Variants in C6 observed in about 807,000 individuals in gnomAD.
C6 encodes the protein complement C6, also known as complement component C6.
C6 carries 101 observed loss-of-function variants against 112.9 expected under a neutral mutation model. The ratio of observed to expected loss-of-function variants is 0.89; its 90% confidence interval spans 0.76 to 1.06. C6 has a LOEUF of 1.06. C6 is among the 50% of genes least tolerant of loss of function. The probability of loss-of-function intolerance (pLI) is 0.00; values close to 1 mark genes in which losing one functional copy is unlikely to be tolerated. For missense variants in C6, 1,202 were observed against 1,104.6 expected, an observed-to-expected ratio of 1.09 and a Z score of -1.25; for synonymous variants, 431 against 384.1, an observed-to-expected ratio of 1.12 and a Z score of -1.43.
At chr5:41,196,007 A>T in intron 4 of C6, 74 bp from the exon 5 acceptor site, 1 of 1,543,662 alleles carries the variant, frequency 6.5e-7, no homozygotes, top group Non-Finnish European at 8.9e-7. Flanking sequence ...TTGAAACTCA[A>T]ATGCTTTAAA....
intron 4 of C6, among the ~76,000 whole-genome samples, chr5:41,198,235 G>A (rs1056450957): frequency 2.0e-4 from 30 of 152,142 alleles, no homozygotes; most frequent in Non-Finnish European, 3.4e-4. Context: ...CTTTTCAGGA[G>A]AGATAGTTCT....
chr5:41,195,676 G>T (rs1750554796), intron 5 of C6, 116 bp downstream of exon 5: 8 of 1,071,812 alleles, frequency 7.5e-6, no homozygotes. Context: ...AGATAGGGCT[G>T]GTAGGAGTAG....
Position 41,150,128 on chromosome 5 carries a change from C to A in C6, c.2291-103G>T. 5.1e-6 allele frequency: 4 copies of A among 784,218 alleles called. No individual in the cohort carries two copies. In the Admixed American group the frequency reaches 5.6e-5, roughly 11 times the overall value. The allele number at this position is 784,218 out of a possible 1,614,324, so 48.6% of individuals were successfully genotyped here. A position where few individuals can be genotyped will look rare whatever the true frequency, so the allele number is the denominator to read the frequency against. On this transcript the variant is annotated intron_variant, in intron 15 of 17. Transcript: ENST00000337836. ...GCAGTGGTAAAGGATTCATATTTAT[C>A]TCTTGGAGTTAGATCATTCATTTTG... is the stretch of plus-strand genomic sequence containing the variant.
intron 2 of C6, among the ~76,000 whole-genome samples, chr5:41,202,195 G>A (rs555857803): frequency 1.3e-5 from 2 of 152,246 alleles, no homozygotes; most frequent in East Asian, 1.9e-4. Context: ...AATAATTCAC[G>A]TGAATTCTCC....
chr5:41,224,295 T>C lies in C6; in HGVS notation c.-20-21045A>G, dbSNP rs1380471230. Among the ~76,000 whole-genome samples the C allele has an allele frequency of 8.5e-5, 13 of 152,302 alleles. No individual in the cohort carries two copies. In the South Asian group the frequency reaches 2.3e-3, roughly 27 times the overall value. ...CACCCATTTAATGTGTACAATTTAA[T>C]AGTCTTCAATATATTCACAGAGATG... is the stretch of plus-strand genomic sequence containing the variant. On this transcript the variant is annotated intron_variant, in intron 1 of 17. Coordinates refer to the C6 transcript ENST00000263413.
chr5:41,144,746 C>T (rs967075977), intron 17 of C6, among the ~76,000 whole-genome samples: 1 of 152,108 alleles, frequency 6.6e-6, no homozygotes, highest in Admixed American at 6.6e-5. Context: ...TCCCACTATC[C>T]ACCCTCAAGT....
Position 41,228,437 on chromosome 5 carries a change from G to T in C6, c.-20-25187C>A, listed in dbSNP as rs150198419. Among the ~76,000 whole-genome samples the T allele has an allele frequency of 6.2e-4, 95 of 152,124 alleles. No homozygotes were observed. The East Asian group carries it at 0.017, about 27-fold the overall frequency. ...ACAGTTTACCTTCCTTTCCCATTTG[G>T]ATATCTTATTTCTTTCTCTTGCTTA... On this transcript the variant is annotated intron_variant, in intron 1 of 17. Coordinates refer to the C6 transcript ENST00000263413.
intron 1 of C6, among the ~76,000 whole-genome samples, chr5:41,225,798 C>T (rs1484927873): frequency 1.3e-5 from 2 of 152,154 alleles, no homozygotes. Flanking sequence ...AATAATGCCA[C>T]ATATCTACAA....
At chr5:41,178,771 C>T (rs1415377331) in intron 7 of C6, among the ~76,000 whole-genome samples, 1 of 150,986 alleles carries the variant, frequency 6.6e-6, no homozygotes, top group Non-Finnish European at 1.5e-5. Flanking sequence ...CCACCGCGCC[C>T]AGCCTCATTT....
upstream of C6, among the ~76,000 whole-genome samples, chr5:41,217,255 T>C (rs1752227792): frequency 6.6e-6 from 1 of 152,132 alleles, no homozygotes; most frequent in Admixed American, 6.6e-5. Context: ...TTACCTTTCA[T>C]ATGGAACTCA....
At chr5:41,193,957 G>A (rs1049262643) in intron 5 of C6, among the ~76,000 whole-genome samples, 2 of 152,038 alleles carry the variant, frequency 1.3e-5, no homozygotes, top group Non-Finnish European at 1.5e-5. Context: ...GAGCCGGCAG[G>A]CTTTGCTCAT....
rs778921908 is a variant in C6 at position 41,142,983 on chromosome 5, G to A, written c.2647C>T (p.Leu883=). The change falls in exon 18 of 18, where the codon CTA becomes TTA. Residue 883 remains leucine, a synonymous_variant. Coordinates refer to ENST00000337836, the MANE Select transcript of C6 (RefSeq NM_000065.5). ...CSASTSKCVC[L]LPPQCFKGGN... is the part of the protein sequence containing the mutation. ...CCCTTGAAGCACTGTGGGGGCAATAGGCAGACACATTTGGAAGTGGAGGCT... is the reference window on the plus strand; with the variant it reads ...CCCTTGAAGCACTGTGGGGGCAATAAGCAGACACATTTGGAAGTGGAGGCT... 25 of 1,613,388 alleles carry A rather than the reference G, an allele frequency of 1.5e-5. No individual in the cohort carries two copies. Among genetic ancestry groups the A allele is most frequent in the Non-Finnish European group, 2.1e-5 (25 of 1,179,602 alleles).
At chr5:41,221,303 A>G (rs75200703) in intron 1 of C6, among the ~76,000 whole-genome samples, 118 of 152,278 alleles carry the variant, frequency 7.7e-4, no homozygotes, top group Admixed American at 6.0e-3. Flanking sequence ...TACATTCTCA[A>G]CAGGGATGAT....
chr5:41,169,213 A>G (rs1319216669), intron 9 of C6, among the ~76,000 whole-genome samples: 3 of 152,118 alleles, frequency 2.0e-5, no homozygotes, highest in Non-Finnish European at 4.4e-5. Flanking sequence ...GAAACATGCT[A>G]ACAAAGGTCT....
chr5:41,203,177 C>G lies in C6; in HGVS notation c.54G>C (p.Lys18Asn). The change falls in exon 2 of 18, where the codon AAG (lysine) becomes AAC (asparagine). Residue 18 changes from lysine to asparagine, a missense_variant. Coordinates refer to ENST00000337836, the MANE Select transcript of C6 (RefSeq NM_000065.5). ...YFILLNALIN[K>N]GQACFCDHYA... ...AGTGATCACAGAAGCAGGCTTGGCC[C>G]TTGTTGATCAGAGCATTCAGCAGGA... The G allele has an allele frequency of 3.1e-6, 5 of 1,614,032 alleles. No individual in the cohort carries two copies. The highest frequency in any genetic ancestry group is 4.2e-6 in the Non-Finnish European group (5 of 1,179,964).
chr5:41,154,609 A>G (rs1470960813), intron 14 of C6, among the ~76,000 whole-genome samples: 1 of 152,214 alleles, frequency 6.6e-6, no homozygotes, highest in Non-Finnish European at 1.5e-5. Flanking sequence ...TGTTACATAA[A>G]GAGTGTAAAT....
At chr5:41,148,765 T>C (rs1746089959) in intron 17 of C6, among the ~76,000 whole-genome samples, 1 of 152,194 alleles carries the variant, frequency 6.6e-6, no homozygotes. Context: ...GCCTGAATAG[T>C]ATTGTCAGCC....
At chr5:41,183,677 A>G (rs55721014) in intron 6 of C6, among the ~76,000 whole-genome samples, 3,286 of 152,300 alleles carry the variant, frequency 0.022, 125 homozygotes, top group African/African-American at 0.074. Flanking sequence ...AGACACATGC[A>G]CTTGCATGTT....
At chr5:41,149,609 G>A (rs778248719) in intron 16 of C6, 127 bp from the exon 17 acceptor site, 299 of 1,210,330 alleles carry the variant, frequency 2.5e-4, no homozygotes, top group Non-Finnish European at 3.0e-4. Context: ...CCCACTCCAA[G>A]CCCTGGGCTT....
Sources: allele counts gnomAD v4.1 joint callset (sites outside exome capture counted in the v4.1 genomes callset), GRCh38; gene constraint gnomAD v4.1.1; transcripts MANE v1.5; gene names NCBI Gene and HGNC (gene_info 2026-07-23, HGNC 2026-07-21).